Variants in C17orf99 observed in about 807,000 individuals in gnomAD.
C17orf99 encodes the protein protein IL-40.
Under a neutral mutation model 22.6 loss-of-function variants are expected in C17orf99, and 18 were observed. The observed-to-expected ratio is 0.80, with a 90% CI of 0.55 to 1.18. C17orf99 has a LOEUF of 1.18. Among genes scored for constraint, C17orf99 ranks in the 50% most tolerant of loss-of-function variants. C17orf99 has a pLI of 0.00. For synonymous variants in C17orf99, 147 were observed against 136.6 expected, an observed-to-expected ratio of 1.08 and a Z score of -0.53; for missense variants, 328 against 342.7, an observed-to-expected ratio of 0.96 and a Z score of 0.34.
chr17:78,158,231 C>T, intron 2 of C17orf99: 1 of 594,198 alleles, frequency 1.7e-6, no homozygotes, highest in Non-Finnish European at 3.2e-6. Context: ...AGTGATCCTC[C>T]CAAGAGGCCC....
chr17:78,163,780 T>G (rs958519909), intron 3 of C17orf99, among the ~76,000 whole-genome samples: 2 of 152,106 alleles, frequency 1.3e-5, no homozygotes, highest in Non-Finnish European at 2.9e-5. Flanking sequence ...ATGGGAGAAT[T>G]GCTCGAGCTG....
upstream of C17orf99, among the ~76,000 whole-genome samples, chr17:78,146,121 C>T (rs932578589): frequency 6.6e-6 from 1 of 152,106 alleles, no homozygotes; most frequent in Non-Finnish European, 1.5e-5. The surrounding 1 kb of genome is among the most constrained non-coding windows in gnomAD (Gnocchi z 5.2). Flanking sequence ...CACGTGAGCC[C>T]GGGATCCTGC....
chr17:78,160,684 A>G (rs2075567349), intron 2 of C17orf99: 1 of 449,578 alleles, frequency 2.2e-6, no homozygotes, highest in Non-Finnish European at 4.0e-6. Flanking sequence ...TCCTGGTTCA[A>G]GAGATTCTCC....
At chr17:78,163,087 T>C (rs1466116510) in intron 3 of C17orf99, among the ~76,000 whole-genome samples, 2 of 152,142 alleles carry the variant, frequency 1.3e-5, no homozygotes, top group African/African-American at 4.8e-5. Context: ...ACCCAGCCAA[T>C]AGCAATTTTT....
intron 2 of C17orf99, chr17:78,157,985 G>A: frequency 7.7e-7 from 1 of 1,292,032 alleles, no homozygotes; most frequent in Non-Finnish European, 1.1e-6. Flanking sequence ...TAACATGGAT[G>A]TCCCCAGCAT....
intron 2 of C17orf99, among the ~76,000 whole-genome samples, chr17:78,156,798 A>G (rs912037131): frequency 2.0e-5 from 3 of 151,792 alleles, no homozygotes; most frequent in Non-Finnish European, 4.4e-5. Flanking sequence ...TTATTTATTT[A>G]TTTTTAGAGT....
chr17:78,151,239 A>C (rs1162135654), intron 2 of C17orf99, among the ~76,000 whole-genome samples: 1 of 151,970 alleles, frequency 6.6e-6, no homozygotes, highest in Admixed American at 6.6e-5. Flanking sequence ...AGCCTGGCCA[A>C]CATGCGGAAA....
At position 78,164,170 on chromosome 17, in the gene C17orf99, A is replaced by G; in HGVS notation, c.446A>G (p.Gln149Arg). 6.4e-7 allele frequency: 1 copy of G among 1,551,598 alleles called. No homozygotes were observed. The highest frequency in any genetic ancestry group is 8.7e-7 in the Non-Finnish European group (1 of 1,146,994). Residue 149 changes from glutamine (Q) to arginine (R), a missense_variant, in exon 4 of 5, where the codon CAG (glutamine) becomes CGG (arginine). Physicochemically the swap from Gln to Arg is conservative, Grantham distance 43 (BLOSUM62 1). Coordinates refer to ENST00000340363, the MANE Select transcript of C17orf99 (RefSeq NM_001163075.2). ...GGCCCCAGGGTGGAGATGATCTGCCAGGCGTCCTCGGGCAGCCCACCTATC... is the reference window on the plus strand; with the variant it reads ...GGCCCCAGGGTGGAGATGATCTGCCGGGCGTCCTCGGGCAGCCCACCTATC... ...GAGPRVEMIC[Q>R]ASSGSPPITN...
intron 2 of C17orf99, among the ~76,000 whole-genome samples, chr17:78,153,781 T>C (rs2075503914): frequency 6.6e-6 from 1 of 152,134 alleles, no homozygotes; most frequent in Non-Finnish European, 1.5e-5. Context: ...GAGGGTCAAA[T>C]TGACTAAAGA....
chr17:78,145,612 G>T (rs1423119821), upstream of C17orf99, among the ~76,000 whole-genome samples: 1 of 152,026 alleles, frequency 6.6e-6, no homozygotes, highest in African/African-American at 2.4e-5. Context: ...TCATGGGTGG[G>T]GCTGCCTTTT....
At chr17:78,160,542 A>T (rs2075565555) in intron 2 of C17orf99, among the ~76,000 whole-genome samples, 2 of 138,728 alleles carry the variant, frequency 1.4e-5, no homozygotes, top group South Asian at 4.9e-4. Context: ...TCTAAAAAAA[A>T]AAAAAAGAGA....
chr17:78,163,758 C>G (rs761058229), intron 3 of C17orf99, among the ~76,000 whole-genome samples: 1 of 151,974 alleles, frequency 6.6e-6, no homozygotes, highest in Non-Finnish European at 1.5e-5. Flanking sequence ...CCTAGCTACT[C>G]GGGAGGCTGA....
At chr17:78,153,093 A>T (rs1218081790) in intron 2 of C17orf99, among the ~76,000 whole-genome samples, 2 of 145,584 alleles carry the variant, frequency 1.4e-5, no homozygotes, top group African/African-American at 2.7e-5. Flanking sequence ...AGAAAAAAAT[A>T]AATTAAAAAA....
At chr17:78,151,273 C>A (rs111446859) in intron 2 of C17orf99, among the ~76,000 whole-genome samples, 9 of 151,044 alleles carry the variant, frequency 6.0e-5, no homozygotes, top group African/African-American at 2.2e-4. Flanking sequence ...AAAAATGCAA[C>A]AATCAGCCAG....
upstream of C17orf99, among the ~76,000 whole-genome samples, chr17:78,145,590 G>A (rs922141716): frequency 7.2e-5 from 11 of 152,196 alleles, no homozygotes; most frequent in East Asian, 1.9e-4. Flanking sequence ...TTGGCCTCCC[G>A]GCTGTGAACC....
At chr17:78,147,038 C>G in intron 2 of C17orf99, 127 bp downstream of exon 2, 4 of 783,450 alleles carry the variant, frequency 5.1e-6, no homozygotes, top group Non-Finnish European at 8.7e-6. Flanking sequence ...TGGAGGATGG[C>G]TGGACAGTTC....
At chr17:78,146,335 G>A, upstream of C17orf99, 1 of 1,420,874 alleles carries the variant, frequency 7.0e-7, no homozygotes, top group Non-Finnish European at 9.6e-7. The surrounding 1 kb of genome is among the most constrained non-coding windows in gnomAD (Gnocchi z 5.2). Flanking sequence ...GCATCCCAGG[G>A]GCCTCAGGGT....
chr17:78,166,091 A>T lies in C17orf99; in HGVS notation c.*45A>T. ...CAAGCACGGCAGAGGACTGCAGGCC[A>T]TCAGCGTGCACTGTTCGTATTTGGA... On this transcript the variant is annotated 3_prime_UTR_variant, in exon 5 of 5. Transcript: ENST00000340363. 2 of 658,684 alleles carry T rather than the reference A, an allele frequency of 3.0e-6. No individual in the cohort carries two copies. The highest frequency in any genetic ancestry group is 4.5e-6 in the Non-Finnish European group (2 of 444,956). 40.8% of individuals were successfully genotyped at this position (658,684 alleles called of 1,614,324 possible).
Position 78,146,505 on chromosome 17 carries a change from G to A in C17orf99, c.37+61G>A. The A allele has an allele frequency of 1.4e-6, 2 of 1,471,030 alleles. No homozygotes were observed. Among genetic ancestry groups the A allele is most frequent in the South Asian group, 2.4e-5 (2 of 82,560 alleles). The allele number at this position is 1,471,030 out of a possible 1,614,324, so 91.1% of individuals were successfully genotyped here. On this transcript the variant is annotated intron_variant, in intron 1 of 4. Transcript: ENST00000340363. This position sits in a 1 kb window ranked among gnomAD's most constrained non-coding sequence, Gnocchi z 5.2. ...CTGGGGCCTTGAGGTCTTGGGCTCA[G>A]GTGGGGGTACTGGGAGCACAGGAGA...
Sources: gnomAD v4.1 joint callset for allele counts (sites outside exome capture counted in the v4.1 genomes callset) on GRCh38, gnomAD v4.1.1 for gene constraint, Gnocchi (gnomAD v3.1) non-coding constraint, MANE v1.5 for transcripts, NCBI Gene and HGNC (gene_info 2026-07-23, HGNC 2026-07-21) for gene names.